IQCH: variants seen among roughly 807,000 people sequenced by gnomAD.
The protein encoded by IQCH is IQ domain-containing protein H.
Under a neutral mutation model 117.0 loss-of-function variants are expected in IQCH, and 98 were observed. The observed-to-expected ratio is 0.84, with a 90% CI of 0.71 to 0.99. The LOEUF (loss-of-function observed/expected upper bound fraction) is 0.99. Among genes scored for constraint, IQCH ranks in the 50% least tolerant of loss-of-function variants. The pLI, the probability that IQCH is intolerant of heterozygous loss-of-function variation, is 0.00. For synonymous variants in IQCH, 412 were observed against 448.2 expected (o/e 0.92, Z 1.02); for missense variants, 1,102 against 1,243.8 (o/e 0.89, Z 1.72).
chr15:67,396,506 A>G lies in IQCH; in HGVS notation c.1905+943A>G, dbSNP rs1423742912. On this transcript the variant is annotated intron_variant, in intron 13 of 20. Coordinates refer to ENST00000335894, the MANE Select transcript of IQCH (RefSeq NM_001031715.3). ...GGGAGAAATGTATTAGCCACTAGAA[A>G]TGTTTTCTCTTTGAGTTAGCCCTGG... Among the ~76,000 whole-genome samples the G allele has an allele frequency of 2.6e-5, 4 of 152,320 alleles. No individual in the cohort carries two copies. In the East Asian group the frequency reaches 5.8e-4, roughly 22 times the overall value.
rs566106922 is a variant in IQCH at position 67,286,648 on chromosome 15, C to T, written c.387+7136C>T. 2.0e-5 allele frequency among the ~76,000 whole-genome samples: 3 copies of T among 151,948 alleles called. No homozygotes were observed. In the East Asian group the frequency reaches 5.8e-4, roughly 29 times the overall value. On this transcript the variant is annotated intron_variant, in intron 4 of 20. Transcript: ENST00000335894. ...TTTATTGAGTAGAGTCTCGTTCTGT[C>T]GCCCAGGCTGGAGTGCCATGGTGCA...
At chr15:67,470,469 C>T (rs566771379) in intron 17 of IQCH, among the ~76,000 whole-genome samples, 11 of 152,260 alleles carry the variant, frequency 7.2e-5, no homozygotes, top group Admixed American at 3.9e-4. Context: ...TGAGCCACTG[C>T]GCCTGGCTGG....
intron 18 of IQCH, among the ~76,000 whole-genome samples, chr15:67,485,934 G>A (rs2083463037): frequency 6.6e-6 from 1 of 151,776 alleles, no homozygotes; most frequent in Non-Finnish European, 1.5e-5. Flanking sequence ...TGGGATTACA[G>A]GCATGAGCCA....
At chr15:67,400,689 G>A (rs552372171) in intron 14 of IQCH, among the ~76,000 whole-genome samples, 1 of 150,970 alleles carries the variant, frequency 6.6e-6, no homozygotes, top group Admixed American at 6.6e-5. Context: ...GGGACGGGGA[G>A]GGTCTCCTTA....
chr15:67,415,115 A>G (rs1307093593), intron 14 of IQCH, among the ~76,000 whole-genome samples: 1 of 152,226 alleles, frequency 6.6e-6, no homozygotes, highest in African/African-American at 2.4e-5. Context: ...TGTTCAGAGA[A>G]GGAACAAAGA....
In IQCH at chr15:67,431,148, T is replaced by G. The variant is rs2082010724; in HGVS notation, c.2505+9571T>G. Among the ~76,000 whole-genome samples the G allele has an allele frequency of 6.6e-6, 1 of 151,896 alleles. No homozygotes were observed. The highest frequency in any genetic ancestry group is 2.4e-5 in the African/African-American group (1 of 41,328). ...AGCACAGAACACATATGGATAAAAA[T>G]GATGATCTAAGTCTTACAAATATCA... On this transcript the variant is annotated intron_variant, in intron 16 of 20. Coordinates refer to ENST00000335894, the MANE Select transcript of IQCH (RefSeq NM_001031715.3). The surrounding 1 kb of genome is among the most constrained non-coding windows in gnomAD (Gnocchi z 4.8).
chr15:67,277,365 C>T (rs942785521), intron 3 of IQCH, among the ~76,000 whole-genome samples: 1 of 151,848 alleles, frequency 6.6e-6, no homozygotes, highest in Non-Finnish European at 1.5e-5. Flanking sequence ...TTTTAGCATG[C>T]CTCATCATTT....
intron 8 of IQCH, among the ~76,000 whole-genome samples, chr15:67,362,284 A>G (rs1970169469): frequency 6.6e-6 from 1 of 152,054 alleles, no homozygotes; most frequent in Non-Finnish European, 1.5e-5. Flanking sequence ...TTTCCAAAAC[A>G]TCTCCAAATT....
At chr15:67,270,614 A>G (rs1965858586) in intron 3 of IQCH, among the ~76,000 whole-genome samples, 1 of 152,156 alleles carries the variant, frequency 6.6e-6, no homozygotes, top group Non-Finnish European at 1.5e-5. Flanking sequence ...GGTTGAAAAG[A>G]GACAGGCACC....
intron 4 of IQCH, among the ~76,000 whole-genome samples, chr15:67,299,605 T>C (rs182927972): frequency 6.6e-6 from 1 of 152,122 alleles, no homozygotes; most frequent in African/African-American, 2.4e-5. Context: ...AATAAAAAAA[T>C]TTTAATGTCA....
chr15:67,367,040 G>T (rs1475484416), intron 8 of IQCH, among the ~76,000 whole-genome samples: 3 of 152,080 alleles, frequency 2.0e-5, no homozygotes, highest in Non-Finnish European at 2.9e-5. Flanking sequence ...AGTCAGAGAG[G>T]CGTAGGGTAT....
At chr15:67,266,818 T>G (rs932196168) in intron 3 of IQCH, among the ~76,000 whole-genome samples, 10 of 152,218 alleles carry the variant, frequency 6.6e-5, no homozygotes, top group Admixed American at 5.9e-4. Flanking sequence ...TCATCATCAT[T>G]TTTACTTTCT....
rs568193121 is a variant in IQCH at position 67,463,744 on chromosome 15, T to C, written c.2506-1383T>C. On this transcript the variant is annotated intron_variant, in intron 16 of 20. Transcript: ENST00000335894. This position sits in a 1 kb window ranked among gnomAD's most constrained non-coding sequence, Gnocchi z 4.0. The stretch of plus-strand genomic sequence containing the variant: ...TAGACAAACCCAGTCTGTCCTTTCT[T>C]TCTGCTTCAGTAGTACTTTGTTCCA... Among the ~76,000 whole-genome samples, 34 of 152,354 alleles carry C rather than the reference T, an allele frequency of 2.2e-4. No individual in the cohort carries two copies. Among genetic ancestry groups the C allele is most frequent in the African/African-American group, 7.9e-4 (33 of 41,592 alleles).
intron 14 of IQCH, among the ~76,000 whole-genome samples, chr15:67,402,499 C>CATTT (rs1351952546): frequency 6.6e-6 from 1 of 152,146 alleles, no homozygotes; most frequent in Non-Finnish European, 1.5e-5. Context: ...TAATGGTGCA[C>CATTT]ATTTAGACAT....
At position 67,494,281 on chromosome 15, in the gene IQCH, G is replaced by C. The variant is rs1467713763; in HGVS notation, c.2885G>C (p.Gly962Ala). The change falls in exon 20 of 21, where the codon GGG (glycine) becomes GCG (alanine). Residue 962 changes from glycine to alanine, a missense_variant. This residue lies in a region of IQCH where 650 missense variants were observed against 794.3 expected (regional missense o/e 0.82). Coordinates refer to ENST00000335894, the MANE Select transcript of IQCH (RefSeq NM_001031715.3). The surrounding 1 kb of genome is among the most constrained non-coding windows in gnomAD (Gnocchi z 5.5). The part of the protein sequence containing the change: ...GMLTIGEDLQ[G>A]VLMTFARHLF... ...AGAACAATCGGCGAGGATCTCCAGG[G>C]GGTCCTCATGACCTTTGCTCGCCAT... The C allele has an allele frequency of 2.5e-6, 4 of 1,611,190 alleles. No individual in the cohort carries two copies. The East Asian group carries it at 9.0e-5, about 36-fold the overall frequency.
At chr15:67,283,798 C>T (rs1966459367) in intron 4 of IQCH, among the ~76,000 whole-genome samples, 1 of 152,168 alleles carries the variant, frequency 6.6e-6, no homozygotes, top group Non-Finnish European at 1.5e-5. Context: ...CATACTACCA[C>T]ATACTCCCAG....
chr15:67,471,630 T>A (rs1240000466), intron 17 of IQCH, among the ~76,000 whole-genome samples: 14 of 152,242 alleles, frequency 9.2e-5, no homozygotes, highest in Admixed American at 9.2e-4. Flanking sequence ...AGTTTTAATT[T>A]GAAATAATTG....
intron 10 of IQCH, among the ~76,000 whole-genome samples, chr15:67,380,428 T>C (rs921205144): frequency 1.3e-5 from 2 of 152,360 alleles, no homozygotes; most frequent in Non-Finnish European, 2.9e-5. Flanking sequence ...GCAATTGATA[T>C]ACTATATAAA....
intron 14 of IQCH, among the ~76,000 whole-genome samples, chr15:67,410,137 C>T (rs765820978): frequency 1.3e-5 from 2 of 152,236 alleles, no homozygotes; most frequent in Non-Finnish European, 2.9e-5. Context: ...TGGCTTAAAA[C>T]ACCCATCATG....
Sources: allele counts gnomAD v4.1 joint callset (sites outside exome capture counted in the v4.1 genomes callset), GRCh38; gene constraint gnomAD v4.1.1; regional missense constraint gnomAD v4.1.1; non-coding constraint Gnocchi (gnomAD v3.1); transcripts MANE v1.5; gene names NCBI Gene and HGNC (gene_info 2026-07-23, HGNC 2026-07-21).